The following PHACTR3 variants were observed in gnomAD, a reference collection of about 807,000 sequenced individuals.
PHACTR3 encodes phosphatase and actin regulator 3, also known as protein phosphatase 1, regulatory subunit 123.
PHACTR3 carries 16 observed loss-of-function variants against 66.8 expected under a neutral mutation model. That is an observed-to-expected ratio of 0.24 (90% CI 0.16 to 0.36). The LOEUF (loss-of-function observed/expected upper bound fraction) is 0.36, where lower values mean the gene tolerates loss of function less well. PHACTR3 is among the 10% of genes least tolerant of loss of function. The pLI is 1.00. For synonymous variants in PHACTR3, 323 were observed against 292.1 expected, an observed-to-expected ratio of 1.11 and a Z score of -1.08; for missense variants, 647 against 719.9, an observed-to-expected ratio of 0.90 and a Z score of 1.16.
intron 1 of PHACTR3, among the ~76,000 whole-genome samples, chr20:59,593,291 C>T (rs762596805): frequency 5.9e-5 from 9 of 152,204 alleles, no homozygotes; most frequent in Non-Finnish European, 1.3e-4. Flanking sequence ...TACTTAGCAT[C>T]TGTAGGTTAT....
At chr20:59,581,708 C>T (rs1048130724) in intron 1 of PHACTR3, among the ~76,000 whole-genome samples, 15 of 145,938 alleles carry the variant, frequency 1.0e-4, no homozygotes, top group Admixed American at 7.0e-4. Flanking sequence ...GGTGAAATCC[C>T]GTCTCTACTA....
At chr20:59,805,211 C>T (rs1384019115) in intron 7 of PHACTR3, among the ~76,000 whole-genome samples, 2 of 152,170 alleles carry the variant, frequency 1.3e-5, no homozygotes, top group African/African-American at 2.4e-5. Flanking sequence ...CATTCCATTC[C>T]CTAATACCTT....
At chr20:59,588,346 T>A (rs1169059207) in intron 1 of PHACTR3, among the ~76,000 whole-genome samples, 3 of 152,216 alleles carry the variant, frequency 2.0e-5, no homozygotes, top group Non-Finnish European at 4.4e-5. Context: ...TGAGCATTTC[T>A]GTCGCCCCTG....
chr20:59,728,978 G>A (rs932981077), intron 1 of PHACTR3, among the ~76,000 whole-genome samples: 14 of 152,168 alleles, frequency 9.2e-5, no homozygotes, highest in African/African-American at 3.1e-4. Flanking sequence ...GCTTTGCAAA[G>A]GTGGAGGAGA....
intron 7 of PHACTR3, among the ~76,000 whole-genome samples, chr20:59,796,245 C>G (rs1439478357): frequency 3.3e-5 from 5 of 152,052 alleles, no homozygotes; most frequent in African/African-American, 1.2e-4. Context: ...AGACTTTTAC[C>G]TTACCCCACT....
At chr20:59,616,639 G>A (rs967370172) in intron 1 of PHACTR3, among the ~76,000 whole-genome samples, 5 of 152,326 alleles carry the variant, frequency 3.3e-5, no homozygotes, top group Non-Finnish European at 5.9e-5. Context: ...CAGCTGGGAC[G>A]TGAGGCTGTG....
At chr20:59,665,941 C>A (rs749924532) in intron 1 of PHACTR3, among the ~76,000 whole-genome samples, 1 of 152,082 alleles carries the variant, frequency 6.6e-6, no homozygotes, top group Non-Finnish European at 1.5e-5. Flanking sequence ...ATTGGGCAAC[C>A]CAGGAGATGG....
intron 1 of PHACTR3, among the ~76,000 whole-genome samples, chr20:59,735,277 G>C (rs1370384666): frequency 6.6e-6 from 1 of 152,098 alleles, no homozygotes; most frequent in African/African-American, 2.4e-5. Context: ...GGAATTTACT[G>C]CTCTGTCAAA....
At chr20:59,679,759 C>G (rs1351892854) in intron 1 of PHACTR3, among the ~76,000 whole-genome samples, 5 of 152,086 alleles carry the variant, frequency 3.3e-5, no homozygotes, top group Admixed American at 1.3e-4. Flanking sequence ...TAATGAGGAC[C>G]AAGTGAAAGG....
chr20:59,704,619 C>T (rs2037633146), intron 1 of PHACTR3, among the ~76,000 whole-genome samples: 1 of 147,242 alleles, frequency 6.8e-6, no homozygotes, highest in Non-Finnish European at 1.5e-5. Context: ...TATAGTATTC[C>T]CATTTTTTAC....
In PHACTR3 at chr20:59,653,882, C is replaced by T. The variant is rs558606377; in HGVS notation, c.118+48750C>T. Among the ~76,000 whole-genome samples, 11 of 152,232 alleles carry T rather than the reference C, an allele frequency of 7.2e-5. No homozygotes were observed. In the South Asian group the frequency reaches 8.3e-4, roughly 11 times the overall value. On this transcript the variant is annotated intron_variant, in intron 1 of 12. Transcript: ENST00000371015. ...AAAAGCAGTGAAAACCCTATAGCAA[C>T]GAACGCTTTCTACACCCAGATTTTG...
At chr20:59,718,755 A>G (rs1183890140) in intron 1 of PHACTR3, among the ~76,000 whole-genome samples, 1 of 152,164 alleles carries the variant, frequency 6.6e-6, no homozygotes, top group Non-Finnish European at 1.5e-5. Context: ...TAAAACCTTG[A>G]GGAATATGCA....
intron 1 of PHACTR3, among the ~76,000 whole-genome samples, chr20:59,668,482 A>C (rs2036074085): frequency 6.6e-6 from 1 of 152,120 alleles, no homozygotes. Context: ...CACAGTTTGC[A>C]GGGGTTGTGC....
At chr20:59,601,544 C>T (rs1258013709), upstream of PHACTR3, among the ~76,000 whole-genome samples, 1 of 152,184 alleles carries the variant, frequency 6.6e-6, no homozygotes, top group African/African-American at 2.4e-5. Flanking sequence ...GCTGGAAACC[C>T]TCCTCCAAAC....
At chr20:59,760,358 G>C (rs368400172) in intron 4 of PHACTR3, among the ~76,000 whole-genome samples, 30 of 152,276 alleles carry the variant, frequency 2.0e-4, no homozygotes, top group African/African-American at 6.7e-4. Flanking sequence ...GCCCGATATG[G>C]TTTGGCTGTG....
chr20:59,599,848 G>C (rs148671613), upstream of PHACTR3, among the ~76,000 whole-genome samples: 510 of 152,222 alleles, frequency 3.4e-3, 4 homozygotes, highest in African/African-American at 0.011. Flanking sequence ...CCAGGCTGCT[G>C]CTACCACTCA....
rs572539983 is a variant in PHACTR3, at chr20:59,676,700, G to A, written c.119-66407G>A. On this transcript the variant is annotated intron_variant, in intron 1 of 12. Transcript: ENST00000371015. ...TTTGAGAGAAAGACTCCAGAAGCCC[G>A]CGGGGAGAGCAGGGGTTCTGGGGAA... The A allele has an allele frequency of 6.0e-5, 59 of 985,230 alleles. No homozygotes were observed. The East Asian group carries it at 2.0e-3, about 34-fold the overall frequency. 61.0% of individuals were successfully genotyped at this position (985,230 alleles called of 1,614,324 possible). A position where few individuals can be genotyped will look rare whatever the true frequency, so the allele number is the denominator to read the frequency against.
intron 1 of PHACTR3, among the ~76,000 whole-genome samples, chr20:59,739,610 T>C (rs12625363): frequency 0.11 from 17,251 of 152,150 alleles, 1,396 homozygotes; most frequent in East Asian, 0.34. Flanking sequence ...CTCAATATCA[T>C]GCGGACAGCA....
At chr20:59,577,879 GGTCGACA>G (rs1188945686) in intron 1 of PHACTR3, among the ~76,000 whole-genome samples, 1 of 152,232 alleles carries the variant, frequency 6.6e-6, no homozygotes, top group Admixed American at 6.5e-5. Flanking sequence ...CTGGCGTTGG[GGTCGACA>G]GTCTGGGGTT....
Sources: gnomAD v4.1 joint callset for allele counts (sites outside exome capture counted in the v4.1 genomes callset) on GRCh38, gnomAD v4.1.1 for gene constraint, MANE v1.5 for transcripts, NCBI Gene and HGNC (gene_info 2026-07-23, HGNC 2026-07-21) for gene names.